Variants in NKIRAS1 observed in about 807,000 individuals in gnomAD.
NKIRAS1 encodes the protein NF-kappa-B inhibitor-interacting Ras-like protein 1.
NKIRAS1 carries 16 observed loss-of-function variants against 19.8 expected under a neutral mutation model. That is an observed-to-expected ratio of 0.81 (90% CI 0.55 to 1.23). The LOEUF is 1.23. NKIRAS1 is among the 50% of genes most tolerant of loss of function. The probability of loss-of-function intolerance (pLI) is 0.00; values close to 1 mark genes in which losing one functional copy is unlikely to be tolerated. For synonymous variants in NKIRAS1, 88 were observed against 79.0 expected (o/e 1.11, Z -0.61); for missense variants, 184 against 220.0 (o/e 0.84, Z 1.04).
intron 3 of NKIRAS1, among the ~76,000 whole-genome samples, chr3:23,906,158 C>CAAA (rs377092022): frequency 3.1e-4 from 31 of 98,562 alleles, no homozygotes; most frequent in African/African-American, 5.6e-4. Flanking sequence ...GACTCCGTCT[C>CAAA]AAAAAAAAAA....
chr3:23,897,559 A>C (rs1233751059), intron 4 of NKIRAS1, among the ~76,000 whole-genome samples: 1 of 152,158 alleles, frequency 6.6e-6, no homozygotes. Flanking sequence ...TGCCCCCATC[A>C]CCTACAACAC....
At chr3:23,896,850 A>G (rs1702045518) in intron 4 of NKIRAS1, among the ~76,000 whole-genome samples, 1 of 151,974 alleles carries the variant, frequency 6.6e-6, no homozygotes, top group African/African-American at 2.4e-5. Flanking sequence ...TATGGAAACA[A>G]CTCCAAGATA....
chr3:23,894,927 C>A (rs1199802487), intron 4 of NKIRAS1, among the ~76,000 whole-genome samples: 49 of 152,256 alleles, frequency 3.2e-4, no homozygotes, highest in Admixed American at 3.1e-3. Context: ...AGTGATTTCA[C>A]TGGCCACGTA....
chr3:23,909,014 A>G (rs1410879375), intron 3 of NKIRAS1, among the ~76,000 whole-genome samples: 2 of 152,042 alleles, frequency 1.3e-5, no homozygotes, highest in Admixed American at 6.6e-5. Context: ...AATTTCTAAT[A>G]CAGTAAATGT....
Position 23,899,603 on chromosome 3 carries a change from T to C in NKIRAS1, c.336+1205A>G, listed in dbSNP as rs1294299603. Among the ~76,000 whole-genome samples, 7 of 152,008 alleles carry C rather than the reference T, an allele frequency of 4.6e-5. 1 individual carries two copies. The South Asian group carries it at 6.2e-4, about 14-fold the overall frequency. ...GAGTTCCAGACAGGGAAACAAGCAATTGAGAAAGCTTAATAGGAAAACAAA... is the reference window on the plus strand; with the variant it reads ...GAGTTCCAGACAGGGAAACAAGCAACTGAGAAAGCTTAATAGGAAAACAAA... On this transcript the variant is annotated intron_variant, in intron 4 of 4. Coordinates refer to ENST00000425478, the MANE Select transcript of NKIRAS1 (RefSeq NM_020345.4).
intron 3 of NKIRAS1, among the ~76,000 whole-genome samples, chr3:23,905,200 A>G (rs1702903808): frequency 6.6e-6 from 1 of 152,238 alleles, no homozygotes; most frequent in Non-Finnish European, 1.5e-5. Context: ...TAGAAAATCC[A>G]TAGGGCAAAA....
intron 2 of NKIRAS1, 111 bp downstream of exon 2, chr3:23,911,218 C>A: frequency 4.3e-6 from 1 of 233,326 alleles, no homozygotes; most frequent in Non-Finnish European, 8.5e-6. Flanking sequence ...CTTTGGGAGT[C>A]CAAGGCGGGT....
chr3:23,895,327 T>C (rs1413178770), intron 4 of NKIRAS1, among the ~76,000 whole-genome samples: 1 of 152,198 alleles, frequency 6.6e-6, no homozygotes, highest in East Asian at 1.9e-4. Flanking sequence ...CTTGACATTG[T>C]AACTGCTCTC....
intron 4 of NKIRAS1, among the ~76,000 whole-genome samples, chr3:23,898,852 A>G (rs992486563): frequency 1.3e-5 from 2 of 152,196 alleles, no homozygotes; most frequent in Non-Finnish European, 2.9e-5. Context: ...GCAGGGAGCA[A>G]GCAAGCATTA....
At chr3:23,945,865 C>G (rs1011447104) in intron 1 of NKIRAS1, among the ~76,000 whole-genome samples, 4 of 150,534 alleles carry the variant, frequency 2.7e-5, no homozygotes, top group African/African-American at 7.3e-5. Context: ...GCCACGTGCG[C>G]GCTGTGTTTA....
chr3:23,943,467 G>A (rs113609037), intron 1 of NKIRAS1, among the ~76,000 whole-genome samples: 316 of 151,692 alleles, frequency 2.1e-3, no homozygotes, highest in African/African-American at 7.4e-3. Context: ...CTGACCTCAG[G>A]TGATCCACCC....
chr3:23,919,450 C>G (rs1704946013), upstream of NKIRAS1: 1 of 1,603,984 alleles, frequency 6.2e-7, no homozygotes, highest in African/African-American at 1.3e-5. Context: ...GTGGCTCTCG[C>G]CGGGCAGCTT....
chr3:23,926,639 T>C lies in NKIRAS1; in HGVS notation c.-139-15189A>G, dbSNP rs916746891. Among the ~76,000 whole-genome samples the C allele has an allele frequency of 6.6e-6, 1 of 152,196 alleles. No homozygotes were observed. Among genetic ancestry groups the C allele is most frequent in the Non-Finnish European group, 1.5e-5 (1 of 68,046 alleles). On this transcript the variant is annotated intron_variant, in intron 1 of 4. Transcript: ENST00000421515. The surrounding 1 kb of genome is among the most constrained non-coding windows in gnomAD (Gnocchi z 4.3). The stretch of plus-strand genomic sequence containing the variant: ...TGTTGCTATAGATATTTTAATTGTA[T>C]AATTACCACTTCCTTTGTCAGGGCG...
chr3:23,893,062 T>A lies in NKIRAS1; in HGVS notation c.*33A>T, dbSNP rs1318352661. 1 of 1,522,994 alleles carries A rather than the reference T, an allele frequency of 6.6e-7. No individual in the cohort carries two copies. The allele number at this position is 1,522,994 out of a possible 1,614,324, so 94.3% of individuals were successfully genotyped here. On this transcript the variant is annotated 3_prime_UTR_variant, in exon 5 of 5. Coordinates refer to ENST00000425478, the MANE Select transcript of NKIRAS1 (RefSeq NM_020345.4). ...TTCACAGACACTTAAAGGCAATCAC[T>A]ATTCAACATACAATTGTGGAAATTA... is the stretch of plus-strand genomic sequence containing the variant.
chr3:23,938,463 C>T (rs113378074), intron 1 of NKIRAS1, among the ~76,000 whole-genome samples: 110 of 152,268 alleles, frequency 7.2e-4, no homozygotes, highest in African/African-American at 1.4e-3. Context: ...TCTCCTGCCT[C>T]AGACTCCCAG....
At chr3:23,942,028 G>T (rs1039240973) in intron 1 of NKIRAS1, among the ~76,000 whole-genome samples, 9 of 151,758 alleles carry the variant, frequency 5.9e-5, no homozygotes, top group Non-Finnish European at 1.2e-4. Context: ...GCCTAGGCTG[G>T]AGTGCAGTGG....
chr3:23,938,899 T>G (rs1379779067), intron 1 of NKIRAS1, among the ~76,000 whole-genome samples: 1 of 152,170 alleles, frequency 6.6e-6, no homozygotes, highest in Non-Finnish European at 1.5e-5. Flanking sequence ...GTAGCCCACA[T>G]GTAGAGATCT....
chr3:23,890,749 T>A lies in NKIRAS1; in HGVS notation c.*2346A>T. 1 of 705,426 alleles carries A rather than the reference T, an allele frequency of 1.4e-6. No homozygotes were observed. The highest frequency in any genetic ancestry group is 2.1e-6 in the Non-Finnish European group (1 of 470,876). The allele number at this position is 705,426 out of a possible 1,614,324, so 43.7% of individuals were successfully genotyped here. Reference sequence around the variant, plus strand: ...TTATTCAGTCTTATTTCCTAAGATTTTGTTGTAACTTAAGGTATCTTGCTA... The same window carrying A: ...TTATTCAGTCTTATTTCCTAAGATTATGTTGTAACTTAAGGTATCTTGCTA... On this transcript the variant is annotated 3_prime_UTR_variant, in exon 5 of 5. Coordinates refer to ENST00000425478, the MANE Select transcript of NKIRAS1 (RefSeq NM_020345.4).
chr3:23,912,370 A>T (rs1447536326), intron 1 of NKIRAS1, among the ~76,000 whole-genome samples: 1 of 152,208 alleles, frequency 6.6e-6, no homozygotes, highest in African/African-American at 2.4e-5. Context: ...CCCATCAAAA[A>T]GTGGGCGAAG....
Sources: gnomAD v4.1 joint callset for allele counts (sites outside exome capture counted in the v4.1 genomes callset) on GRCh38, gnomAD v4.1.1 for gene constraint, Gnocchi (gnomAD v3.1) non-coding constraint, MANE v1.5 for transcripts, NCBI Gene and HGNC (gene_info 2026-07-23, HGNC 2026-07-21) for gene names.